Variants in PHIP observed in about 807,000 individuals in gnomAD.
The protein encoded by PHIP is PH-interacting protein.
Under a neutral mutation model 236.8 loss-of-function variants are expected in PHIP, and 54 were observed. The ratio of observed to expected loss-of-function variants is 0.23; its 90% CI spans 0.18 to 0.29. The LOEUF is 0.29. Ranked by LOEUF, PHIP falls within the 10% of genes least tolerant of loss-of-function variation. The probability of loss-of-function intolerance (pLI) is 1.00; values close to 1 mark genes in which losing one functional copy is unlikely to be tolerated. For synonymous variants in PHIP, 756 were observed against 718.9 expected (o/e 1.05, Z -0.83); for missense variants, 1,370 against 2,190.8 (o/e 0.63, Z 7.48).
chr6:79,033,636 A>C (rs1290892992), intron 7 of PHIP, among the ~76,000 whole-genome samples: 1 of 152,180 alleles, frequency 6.6e-6, no homozygotes, highest in Non-Finnish European at 1.5e-5. Flanking sequence ...TTGGCTTAAA[A>C]GAGTATTGTG....
intron 4 of PHIP, among the ~76,000 whole-genome samples, chr6:79,072,790 T>A (rs1056347971): frequency 2.6e-5 from 4 of 152,192 alleles, no homozygotes; most frequent in African/African-American, 9.6e-5. Context: ...GTGGCCTTTT[T>A]ATACTGCAGA....
chr6:78,965,232 T>C (rs1767052984), intron 29 of PHIP, among the ~76,000 whole-genome samples: 1 of 152,228 alleles, frequency 6.6e-6, no homozygotes, highest in Admixed American at 6.5e-5. Context: ...AGGAAGGTAT[T>C]AGCTTTGACG....
chr6:79,016,732 G>C, intron 12 of PHIP, 90 bp from the exon 13 acceptor site: 1 of 751,790 alleles, frequency 1.3e-6, no homozygotes, highest in Non-Finnish European at 2.2e-6. Flanking sequence ...TAAAAAGACA[G>C]CATTCATCTT....
rs1190311861 is a variant in PHIP at position 78,937,629 on chromosome 6, C to T, written c.*3064G>A. 6.6e-6 allele frequency: 1 copy of T among 151,634 alleles called. No homozygotes were observed. The highest frequency in any genetic ancestry group is 1.5e-5 in the Non-Finnish European group (1 of 67,634). 9.4% of individuals were successfully genotyped at this position (151,634 alleles called of 1,614,324 possible). A position where few individuals can be genotyped will look rare whatever the true frequency, so the allele number is the denominator to read the frequency against. ...GAAGACAGTTTTATAATAATGCCAG[C>T]AGTCTTTAAATTTGTAGTGAAGTTG... On this transcript the variant is annotated 3_prime_UTR_variant, in exon 40 of 40. Coordinates refer to ENST00000275034, the MANE Select transcript of PHIP (RefSeq NM_017934.7).
intron 31 of PHIP, among the ~76,000 whole-genome samples, chr6:78,959,717 A>C (rs1463943750): frequency 6.6e-6 from 1 of 152,150 alleles, no homozygotes; most frequent in Non-Finnish European, 1.5e-5. Context: ...TTGTCTTTCA[A>C]ATGTTTTTTT....
rs1350258555 is a variant in PHIP at position 78,935,668 on chromosome 6, C to T, written c.*5025G>A. The T allele has an allele frequency of 7.1e-6, 7 of 984,016 alleles. No homozygotes were observed. Among genetic ancestry groups the T allele is most frequent in the Non-Finnish European group, 8.4e-6 (7 of 828,872 alleles). 61.0% of individuals were successfully genotyped at this position (984,016 alleles called of 1,614,324 possible). ...TTGGAATTAAATTACATTTCGGCAC[C>T]CAAATATCTTTTAACTGACAGTTTT... On this transcript the variant is annotated 3_prime_UTR_variant, in exon 40 of 40. Transcript: ENST00000275034.
chr6:79,026,162 A>G lies in PHIP; in HGVS notation c.603T>C (p.Gly201=), dbSNP rs185351795. ...ATATTTTCACAAGACAGTCATCAGA[A>G]CCCTTAAAGTAAGAATGGATATTAA... The part of the protein sequence containing the change: ...FDRTGRRIFT[G]SDDCLVKIWA... The change falls in exon 8 of 40, where the codon GGT becomes GGC. Residue 201 remains glycine, a splice_region_variant and synonymous_variant. Transcript: ENST00000275034. 3.7e-5 allele frequency: 59 copies of G among 1,607,554 alleles called. No homozygotes were observed. The Admixed American group carries it at 8.0e-4, about 22-fold the overall frequency.
chr6:79,050,711 A>G (rs1772751491), intron 6 of PHIP, among the ~76,000 whole-genome samples: 1 of 152,200 alleles, frequency 6.6e-6, no homozygotes, highest in Non-Finnish European at 1.5e-5. Context: ...GCTTAAATTC[A>G]AAGACTGACA....
In PHIP at chr6:79,060,879, T is replaced by C. The variant is rs1267585634; in HGVS notation, c.190-61A>G. 4.3e-6 allele frequency: 5 copies of C among 1,160,872 alleles called. No individual in the cohort carries two copies. The African/African-American group carries it at 7.8e-5, about 18-fold the overall frequency. 71.9% of individuals were successfully genotyped at this position (1,160,872 alleles called of 1,614,324 possible). A position where few individuals can be genotyped will look rare whatever the true frequency, so the allele number is the denominator to read the frequency against. On this transcript the variant is annotated intron_variant, in intron 4 of 39. Coordinates refer to ENST00000275034, the MANE Select transcript of PHIP (RefSeq NM_017934.7). ...TTATCATTTTAATTTTCAAAATCTT[T>C]GAGCAACAATAAAAAAATTCATCCA...
chr6:79,062,115 T>G (rs1773407896), intron 4 of PHIP, among the ~76,000 whole-genome samples: 2 of 152,086 alleles, frequency 1.3e-5, no homozygotes, highest in African/African-American at 4.8e-5. Context: ...AATGAGTATT[T>G]TTGGAAAAAG....
chr6:78,955,256 T>G lies in PHIP; in HGVS notation c.3879A>C (p.Pro1293=). Residue 1293 remains proline (P), a synonymous_variant, in exon 34 of 40, where the codon CCA becomes CCC. Transcript: ENST00000275034. ...SEDEEKDADV[P]GTSTRKRKDH... is the part of the protein sequence containing the mutation. ...CCTTCCTTTTTCGAGTAGAAGTTCC[T>G]GGCACATCAGCATCTTTCTCTTCAT... 6.2e-7 allele frequency: 1 copy of G among 1,610,490 alleles called. No individual in the cohort carries two copies. Among genetic ancestry groups the G allele is most frequent in the South Asian group, 1.1e-5 (1 of 90,732 alleles).
chr6:79,058,057 A>C (rs1773162473), intron 6 of PHIP, among the ~76,000 whole-genome samples: 1 of 152,148 alleles, frequency 6.6e-6, no homozygotes, highest in Admixed American at 6.6e-5. Flanking sequence ...CAAAATGGGC[A>C]ATCCACTACA....
chr6:79,010,997 A>G (rs1195009814), intron 15 of PHIP, among the ~76,000 whole-genome samples: 1 of 151,906 alleles, frequency 6.6e-6, no homozygotes, highest in Non-Finnish European at 1.5e-5. Context: ...CCTCAGCTTC[A>G]GTCCTGAGAG....
intron 19 of PHIP, among the ~76,000 whole-genome samples, chr6:78,991,219 T>C (rs980620190): frequency 6.6e-6 from 1 of 152,136 alleles, no homozygotes; most frequent in African/African-American, 2.4e-5. Context: ...ATACTACTGG[T>C]TCCTGCTATG....
At chr6:78,986,059 C>G (rs1358568821) in intron 21 of PHIP, among the ~76,000 whole-genome samples, 1 of 151,988 alleles carries the variant, frequency 6.6e-6, no homozygotes, top group East Asian at 1.9e-4. Context: ...TTAATTTTTA[C>G]TTCTTGAGCC....
chr6:78,978,932 C>A (rs895460617), intron 23 of PHIP, among the ~76,000 whole-genome samples: 1 of 152,110 alleles, frequency 6.6e-6, no homozygotes, highest in African/African-American at 2.4e-5. Context: ...AAAGTTCCAA[C>A]AGGCAAAACT....
At position 78,968,033 on chromosome 6, in the gene PHIP, G is replaced by A. The variant is rs1271892146; in HGVS notation, c.3205+1802C>T. On this transcript the variant is annotated intron_variant, in intron 27 of 39. Coordinates refer to ENST00000275034, the MANE Select transcript of PHIP (RefSeq NM_017934.7). ...GGAGCCTGTAGTCCCAGCTAATCGG[G>A]AGGCTGAGGTAGAATGGTGTGAACC... Among the ~76,000 whole-genome samples the A allele has an allele frequency of 3.3e-5, 5 of 152,122 alleles. No individual in the cohort carries two copies. The East Asian group carries it at 9.6e-4, about 29-fold the overall frequency.
chr6:78,953,895 T>C (rs1331485360), intron 35 of PHIP, among the ~76,000 whole-genome samples: 1 of 152,100 alleles, frequency 6.6e-6, no homozygotes. Context: ...CCCTGAACTA[T>C]ATAACATTTA....
At chr6:79,030,022 AAGTTATGGAT>A (rs1444719846) in intron 7 of PHIP, among the ~76,000 whole-genome samples, 1 of 152,198 alleles carries the variant, frequency 6.6e-6, no homozygotes, top group Non-Finnish European at 1.5e-5. Context: ...TGTTAAAACC[AAGTTATGGAT>A]ATTAAAAATA....
Sources: allele counts gnomAD v4.1 joint callset (sites outside exome capture counted in the v4.1 genomes callset), GRCh38; gene constraint gnomAD v4.1.1; transcripts MANE v1.5; gene names NCBI Gene and HGNC (gene_info 2026-07-23, HGNC 2026-07-21).